The following FOXN3 variants were observed in gnomAD, a reference collection of about 807,000 sequenced individuals.
The protein encoded by FOXN3 is forkhead box N3, also known as forkhead box protein N3.
Under a neutral mutation model 38.4 loss-of-function variants are expected in FOXN3, and 7 were observed. The observed-to-expected ratio is 0.18, with a 90% CI of 0.10 to 0.34. FOXN3 has a LOEUF of 0.34. Ranked by LOEUF, FOXN3 falls within the 10% of genes least tolerant of loss-of-function variation. FOXN3 has a pLI of 1.00. For synonymous variants in FOXN3, 230 were observed against 242.2 expected (o/e 0.95, Z 0.47); for missense variants, 456 against 613.4 (o/e 0.74, Z 2.71).
At chr14:89,301,440 C>T (rs1887214190) in intron 3 of FOXN3, among the ~76,000 whole-genome samples, 2 of 151,880 alleles carry the variant, frequency 1.3e-5, no homozygotes, top group Admixed American at 6.6e-5. Context: ...CATGCCACTG[C>T]GCTCCAGACT....
At chr14:89,608,754 T>C (rs1011398983) in intron 1 of FOXN3, among the ~76,000 whole-genome samples, 10 of 152,272 alleles carry the variant, frequency 6.6e-5, no homozygotes, top group East Asian at 1.9e-4. Context: ...GAACTGGGGA[T>C]GGGGTAGGCG....
intron 4 of FOXN3, among the ~76,000 whole-genome samples, chr14:89,253,342 G>C (rs534352101): frequency 9.9e-5 from 15 of 152,278 alleles, no homozygotes; most frequent in Admixed American, 2.0e-4. Context: ...TCCCCAGGGA[G>C]AGCTGCCCAG....
At chr14:89,294,456 G>T (rs1040260736) in intron 3 of FOXN3, among the ~76,000 whole-genome samples, 1 of 152,156 alleles carries the variant, frequency 6.6e-6, no homozygotes, top group African/African-American at 2.4e-5. Flanking sequence ...TGCCAGAGGC[G>T]TCTGAACCAC....
rs1566675917 is a variant in FOXN3, at chr14:89,497,922, G to GT, written c.-14-85433_-14-85432insA. Among the ~76,000 whole-genome samples, 101 of 121,028 alleles carry GT rather than the reference G, an allele frequency of 8.3e-4. 1 individual carries two copies. The highest frequency in any genetic ancestry group is 3.9e-3 in the African/African-American group (98 of 25,258). 79.4% of individuals were successfully genotyped at this position (121,028 alleles called of 152,430 possible). ...CTTGTTATTTCCTGTTTGTTTGTTT[G>GT]GTTTTTTTTTGAAATGTTAGCCATC... On this transcript the variant is annotated intron_variant, in intron 1 of 6. Transcript: ENST00000345097.
intron 1 of FOXN3, among the ~76,000 whole-genome samples, chr14:89,427,228 C>CAAAAA (rs1377599085): frequency 1.8e-4 from 8 of 44,482 alleles, no homozygotes; most frequent in Non-Finnish European, 2.9e-4. Flanking sequence ...GCCTCTGTCT[C>CAAAAA]AAAAAAAAAA....
In FOXN3 at chr14:89,506,358, C is replaced by T. The variant is rs1190027708; in HGVS notation, c.-14-93868G>A. On this transcript the variant is annotated intron_variant, in intron 1 of 6. Coordinates refer to the FOXN3 transcript ENST00000345097. ...CAGCCCCCCGCCCGGCCAGCCGCCC[C>T]GTCCGGGAGGTGAGGGGCGCCTCTG... 1.2e-3 allele frequency among the ~76,000 whole-genome samples: 157 copies of T among 133,392 alleles called. 2 individuals are homozygous for T. Among genetic ancestry groups the T allele is most frequent in the African/African-American group, 4.2e-3 (151 of 36,262 alleles). The allele number at this position is 133,392 out of a possible 152,430, so 87.5% of individuals were successfully genotyped here. A position where few individuals can be genotyped will look rare whatever the true frequency, so the allele number is the denominator to read the frequency against.
rs146942216 is a variant in FOXN3, at chr14:89,249,418, A to G, written c.745+31532T>C. ...ACTGTCAGGTAAAGAGAATTTATTT[A>G]CAAGCATCACAGCCTTTGAAATGCT... On this transcript the variant is annotated intron_variant, in intron 4 of 5. Transcript: ENST00000557258. 7.1e-4 allele frequency among the ~76,000 whole-genome samples: 108 copies of G among 152,346 alleles called. No homozygotes were observed. The South Asian group carries it at 9.1e-3, about 13-fold the overall frequency.
chr14:89,325,634 G>T (rs1888059828), intron 3 of FOXN3, among the ~76,000 whole-genome samples: 1 of 152,218 alleles, frequency 6.6e-6, no homozygotes, highest in South Asian at 2.1e-4. Context: ...GACATGACTT[G>T]TGGTGATCTC....
chr14:89,517,054 C>T (rs1029273452), intron 1 of FOXN3, among the ~76,000 whole-genome samples: 1 of 152,136 alleles, frequency 6.6e-6, no homozygotes, highest in African/African-American at 2.4e-5. Flanking sequence ...GGATTGATCA[C>T]ATTTAGTTGC....
chr14:89,409,466 T>G (rs61984699), intron 2 of FOXN3: 23,307 of 152,268 alleles, frequency 0.15, 1,873 homozygotes, highest in East Asian at 0.19. Flanking sequence ...CAAGTCTCGC[T>G]GCACGCCTTG....
chr14:89,413,670 T>G (rs28666556), intron 1 of FOXN3, among the ~76,000 whole-genome samples: 67 of 22,492 alleles, frequency 3.0e-3, no homozygotes, highest in Non-Finnish European at 3.8e-3. Flanking sequence ...GGGAAGGGAA[T>G]GGAAGAGAAG....
chr14:89,549,326 A>G (rs925320139), intron 1 of FOXN3, among the ~76,000 whole-genome samples: 1 of 151,972 alleles, frequency 6.6e-6, no homozygotes, highest in Non-Finnish European at 1.5e-5. Flanking sequence ...TAATCCATGG[A>G]ATTGAAGAAT....
At position 89,295,762 on chromosome 14, in the gene FOXN3, A is replaced by ATTTTTTTTTTTT. The variant is rs1032063820; in HGVS notation, c.681-14760_681-14749dup. ...GCCACCATGCCTGGCTAATTTTTGCATTTTTTTTTTTTTTTTTTGTAGAGA... is the reference window on the plus strand; with the variant it reads ...GCCACCATGCCTGGCTAATTTTTGCATTTTTTTTTTTTTTTTTTTTTTTTTTTTTTGTAGAGA... On this transcript the variant is annotated intron_variant, in intron 3 of 5. Transcript: ENST00000557258. Among the ~76,000 whole-genome samples, 125 of 123,200 alleles carry ATTTTTTTTTTTT rather than the reference A, an allele frequency of 1.0e-3. 2 individuals carry two copies. Among genetic ancestry groups the ATTTTTTTTTTTT allele is most frequent in the Middle Eastern group, 8.4e-3 (2 of 238 alleles). The allele number at this position is 123,200 out of a possible 152,430, so 80.8% of individuals were successfully genotyped here. A position where few individuals can be genotyped will look rare whatever the true frequency, so the allele number is the denominator to read the frequency against.
chr14:89,372,396 T>C (rs1270349286), intron 2 of FOXN3, among the ~76,000 whole-genome samples: 1 of 152,252 alleles, frequency 6.6e-6, no homozygotes, highest in Admixed American at 6.5e-5. Context: ...TGGTTACTAT[T>C]ATGTTTCAGA....
At chr14:89,532,837 T>TGTATAGCTATACATTTTGGTAACAAAG (rs1395923888) in intron 1 of FOXN3, among the ~76,000 whole-genome samples, 2 of 152,236 alleles carry the variant, frequency 1.3e-5, no homozygotes, top group East Asian at 3.8e-4. Flanking sequence ...AAAAGACATT[T>TGTATAGCTATACATTTTGGTAACAAAG]GTATAGCTAT....
At chr14:89,617,652 T>C (rs79437128) in intron 1 of FOXN3, among the ~76,000 whole-genome samples, 1,719 of 152,308 alleles carry the variant, frequency 0.011, 28 homozygotes, top group African/African-American at 0.038. Flanking sequence ...TGAGAATGTA[T>C]TGTAAAGTGC....
chr14:89,267,076 C>T (rs1886004895), intron 4 of FOXN3, among the ~76,000 whole-genome samples: 1 of 152,114 alleles, frequency 6.6e-6, no homozygotes, highest in African/African-American at 2.4e-5. Context: ...ACCTTCTTCC[C>T]TTCTTCCCTA....
chr14:89,489,082 G>T (rs1411830320), intron 1 of FOXN3, among the ~76,000 whole-genome samples: 1 of 152,150 alleles, frequency 6.6e-6, no homozygotes, highest in Non-Finnish European at 1.5e-5. Context: ...TCACACCAAG[G>T]CTAGGATTGA....
chr14:89,346,262 A>G (rs867927827), intron 3 of FOXN3, among the ~76,000 whole-genome samples: 23 of 152,296 alleles, frequency 1.5e-4, no homozygotes, highest in African/African-American at 5.3e-4. Flanking sequence ...TACTACTATT[A>G]CTATTAACTA....
Sources: allele counts gnomAD v4.1 joint callset (sites outside exome capture counted in the v4.1 genomes callset), GRCh38; gene constraint gnomAD v4.1.1; transcripts MANE v1.5; gene names NCBI Gene and HGNC (gene_info 2026-07-23, HGNC 2026-07-21).